The following TEX46 variants were observed in gnomAD, a reference collection of about 807,000 sequenced individuals.
TEX46 encodes testis-expressed protein 46.
A neutral mutation model predicts 5.3 loss-of-function variants in TEX46; 6 were observed. That is an observed-to-expected ratio of 1.13 (90% CI 0.62 to 2.23). TEX46 has a LOEUF of 2.23. Ranked by LOEUF, TEX46 falls within the 30% of genes most tolerant of loss-of-function variation. The pLI, the probability that TEX46 is intolerant of heterozygous loss-of-function variation, is 0.00. For synonymous variants in TEX46, 41 were observed against 54.6 expected (o/e 0.75, Z 1.10); for missense variants, 131 against 150.9 (o/e 0.87, Z 0.69).
intron 1 of TEX46, 164 bp from the exon 2 acceptor site, chr1:23,014,209 C>T: frequency 8.2e-7 from 1 of 1,215,950 alleles, no homozygotes. Flanking sequence ...AATAATAACT[C>T]CTCCTTTGTC....
At chr1:23,014,541 T>C (rs1035646270) in intron 1 of TEX46, among the ~76,000 whole-genome samples, 3 of 151,970 alleles carry the variant, frequency 2.0e-5, no homozygotes, top group Non-Finnish European at 4.4e-5. Flanking sequence ...AGACATTAAT[T>C]TTTTATTTAT....
Position 23,013,594 on chromosome 1 carries a change from C to T in TEX46, c.165+289G>A, listed in dbSNP as rs149489338. Among the ~76,000 whole-genome samples the T allele has an allele frequency of 2.5e-3, 385 of 152,032 alleles. 4 individuals carry two copies. The highest frequency in any genetic ancestry group is 8.5e-3 in the African/African-American group (351 of 41,472). On this transcript the variant is annotated intron_variant, in intron 2 of 2. Transcript: ENST00000566855. ...ATGTTAATTTTTTTTATTTTTTTCA[C>T]ATTAAAGTAGTTGTTACTCTTGCCA...
At position 23,015,764 on chromosome 1, in the gene TEX46, C is replaced by A; in HGVS notation, c.2+8G>T. 1.4e-6 allele frequency: 1 copy of A among 697,590 alleles called. No individual in the cohort carries two copies. The highest frequency in any genetic ancestry group is 2.6e-6 in the Non-Finnish European group (1 of 382,372). The allele number at this position is 697,590 out of a possible 1,614,324, so 43.2% of individuals were successfully genotyped here. The stretch of plus-strand genomic sequence containing the variant: ...AAAAAAAAACAAATACCGTATGATT[C>A]CACTTACATGAGCTATCTACAATAG... On this transcript the variant is annotated splice_region_variant and intron_variant, in intron 1 of 2. Transcript: ENST00000566855.
intron 1 of TEX46, 27 bp from the exon 2 acceptor site, chr1:23,014,072 C>G (rs1305827676): frequency 6.5e-7 from 1 of 1,531,464 alleles, no homozygotes; most frequent in Non-Finnish European, 8.7e-7. Context: ...GTTCTGCCAG[C>G]ATTATGGCGT....
intron 2 of TEX46, among the ~76,000 whole-genome samples, chr1:23,012,491 G>A (rs522802): frequency 0.8 from 121,345 of 152,178 alleles, 48,824 homozygotes; most frequent in Non-Finnish European, 0.83. Context: ...AGTTCCCTGT[G>A]GACTCTCACA....
In TEX46 at chr1:23,013,928, C is replaced by T. The variant is rs759689688; in HGVS notation, c.120G>A (p.Trp40Ter). The change falls in exon 2 of 3, where the codon TGG becomes TGA. Residue 40 changes from tryptophan (W) to a stop codon, truncating the protein, a stop_gained. Transcript: ENST00000566855. LOFTEE classifies it low-confidence loss of function (END_TRUNC). The part of the protein sequence containing the change: ...FLFLLLLLSN[W>*]LVKYEHKLTL... ...TGAGCTTGTGTTCATACTTGACCAACCAGTTGCTAAGCAACAGCAGAAGGA... is the reference window on the plus strand; with the variant it reads ...TGAGCTTGTGTTCATACTTGACCAATCAGTTGCTAAGCAACAGCAGAAGGA... 3.3e-6 allele frequency: 5 copies of T among 1,536,118 alleles called. No individual in the cohort carries two copies. In the South Asian group the frequency reaches 5.9e-5, roughly 18 times the overall value.
intron 1 of TEX46, among the ~76,000 whole-genome samples, chr1:23,014,329 C>A (rs1569576951): frequency 6.6e-6 from 1 of 152,254 alleles, no homozygotes; most frequent in Middle Eastern, 3.4e-3. Context: ...TTCACCAGTA[C>A]TTCTGGGCCT....
intron 1 of TEX46, 119 bp from the exon 2 acceptor site, chr1:23,014,164 A>AGGGGGGGGGGG (rs1641388455): frequency 1.5e-6 from 2 of 1,307,218 alleles, no homozygotes; most frequent in South Asian, 1.6e-5. Flanking sequence ...AGTCATAGCC[A>AGGGGGGGGGGG]GCTCCCTCCC....
chr1:23,015,755 C>T lies in TEX46; in HGVS notation c.2+17G>A. On this transcript the variant is annotated intron_variant, in intron 1 of 2. Coordinates refer to ENST00000566855, the MANE Select transcript of TEX46 (RefSeq NM_001242521.2). ...TCAGTCACAAAAAAAAAACAAATAC[C>T]GTATGATTCCACTTACATGAGCTAT... 1.4e-6 allele frequency: 1 copy of T among 696,334 alleles called. No homozygotes were observed. The highest frequency in any genetic ancestry group is 2.6e-6 in the Non-Finnish European group (1 of 381,978). 43.1% of individuals were successfully genotyped at this position (696,334 alleles called of 1,614,324 possible). A position where few individuals can be genotyped will look rare whatever the true frequency, so the allele number is the denominator to read the frequency against.
At chr1:23,011,170 C>T (rs891565166) in intron 2 of TEX46, 69 bp from the exon 3 acceptor site, 11 of 1,280,382 alleles carry the variant, frequency 8.6e-6, no homozygotes, top group East Asian at 7.6e-5. Context: ...TTCTTGGAGT[C>T]GTTTTCAGAA....
chr1:23,014,032 T>G lies in TEX46; in HGVS notation c.16A>C (p.Ile6Leu), dbSNP rs1641386489. 2 of 1,535,924 alleles carry G rather than the reference T, an allele frequency of 1.3e-6. No individual in the cohort carries two copies. The highest frequency in any genetic ancestry group is 1.7e-6 in the Non-Finnish European group (2 of 1,146,844). Residue 6 changes from isoleucine to leucine, a missense_variant, in exon 2 of 3, where the codon ATA becomes CTA. Ile to Leu is a conservative substitution (Grantham distance 5). Coordinates refer to ENST00000566855, the MANE Select transcript of TEX46 (RefSeq NM_001242521.2). MSLHG[I>L]LASAGTIGAV... ...CCTATGGTGCCTGCGGAGGCAAGTA[T>G]CCCATGGAGACTCCTAAAGAGAAAT...
chr1:23,014,611 T>A (rs1476917762), intron 1 of TEX46, among the ~76,000 whole-genome samples: 1 of 151,986 alleles, frequency 6.6e-6, no homozygotes, highest in Non-Finnish European at 1.5e-5. Context: ...TGGAGTGCAG[T>A]GGTGTGATTG....
At position 23,013,898 on chromosome 1, in the gene TEX46, G is replaced by A. The variant is rs1277707944; in HGVS notation, c.150C>T (p.Leu50=). The A allele has an allele frequency of 3.3e-6, 5 of 1,536,028 alleles. No individual in the cohort carries two copies. Among genetic ancestry groups the A allele is most frequent in the Non-Finnish European group, 4.4e-6 (5 of 1,146,868 alleles). The change falls in exon 2 of 3, where the codon CTC becomes CTT. Residue 50 remains leucine, a synonymous_variant. Transcript: ENST00000566855. The part of the protein sequence containing the change: ...WLVKYEHKLT[L]PEPQQDEILQ... The stretch of plus-strand genomic sequence containing the variant: ...TTGTGCTCACCTGCTGGGGCTCTGG[G>A]AGGGTGAGCTTGTGTTCATACTTGA...
At chr1:23,013,361 C>T (rs1017442310) in intron 2 of TEX46, among the ~76,000 whole-genome samples, 34 of 151,776 alleles carry the variant, frequency 2.2e-4, no homozygotes, top group Admixed American at 8.5e-4. Context: ...TTAGTAGAGA[C>T]GAGGTGTTAC....
chr1:23,012,314 G>A (rs1641362270), intron 2 of TEX46, among the ~76,000 whole-genome samples: 1 of 151,066 alleles, frequency 6.6e-6, no homozygotes, highest in Non-Finnish European at 1.5e-5. Context: ...ACTGCATCCA[G>A]CCTGGGCCAC....
chr1:23,013,815 T>C (rs1641383938), intron 2 of TEX46, 68 bp downstream of exon 2: 4 of 1,430,010 alleles, frequency 2.8e-6, no homozygotes, highest in East Asian at 2.5e-5. Flanking sequence ...CCCTGTTCCC[T>C]ACCCACCTAA....
intron 1 of TEX46, among the ~76,000 whole-genome samples, chr1:23,014,929 G>A (rs1641398656): frequency 6.6e-6 from 1 of 151,886 alleles, no homozygotes; most frequent in Non-Finnish European, 1.5e-5. Flanking sequence ...TGCAACCTCT[G>A]CCTCCCAGGT....
At position 23,010,998 on chromosome 1, in the gene TEX46, C is replaced by T; in HGVS notation, c.269G>A (p.Ser90Asn). The T allele has an allele frequency of 6.5e-7, 1 of 1,535,952 alleles. No homozygotes were observed. Among genetic ancestry groups the T allele is most frequent in the Non-Finnish European group, 8.7e-7 (1 of 1,146,760 alleles). ...TTTCATGGGAAAATTCCGATGTCTGCTTGACCGCCCGTGGTGATTCATTTT... is the reference window on the plus strand; with the variant it reads ...TTTCATGGGAAAATTCCGATGTCTGTTTGACCGCCCGTGGTGATTCATTTT... ...WNKMNHHGRSSRHRNFPMKKH... is the reference protein window; with the variant it reads ...WNKMNHHGRSNRHRNFPMKKH... Residue 90 changes from serine to asparagine, a missense_variant, in exon 3 of 3, where the codon AGC becomes AAC. Ser to Asn is a conservative substitution (Grantham distance 46). Coordinates refer to ENST00000566855, the MANE Select transcript of TEX46 (RefSeq NM_001242521.2).
At position 23,013,974 on chromosome 1, in the gene TEX46, G is replaced by A. The variant is rs1432202208; in HGVS notation, c.74C>T (p.Pro25Leu). ...AAGGAATAGGAACCCAAACAAGGCT[G>A]GCTTATAGCTCATCAGCCAAGCTGC... ...AVAAWLMSYKPALFGFLFLLL... is the reference protein window; with the variant it reads ...AVAAWLMSYKLALFGFLFLLL... Residue 25 changes from proline to leucine, a missense_variant, in exon 2 of 3, where the codon CCA (proline) becomes CTA (leucine). Coordinates refer to ENST00000566855, the MANE Select transcript of TEX46 (RefSeq NM_001242521.2). 1 of 1,536,056 alleles carries A rather than the reference G, an allele frequency of 6.5e-7. No individual in the cohort carries two copies. The highest frequency in any genetic ancestry group is 1.4e-5 in the African/African-American group (1 of 73,154).
Sources: gnomAD v4.1 joint callset for allele counts (sites outside exome capture counted in the v4.1 genomes callset) on GRCh38, gnomAD v4.1.1 for gene constraint, MANE v1.5 for transcripts, NCBI Gene and HGNC (gene_info 2026-07-23, HGNC 2026-07-21) for gene names.